RABGAP1L: variants seen among roughly 807,000 people sequenced by gnomAD.
The protein encoded by RABGAP1L is RAB GTPase activating protein 1 like, also known as rab GTPase-activating protein 1-like.
A neutral mutation model predicts 137.7 loss-of-function variants in RABGAP1L; 63 were observed. The observed-to-expected ratio is 0.46, with a 90% CI of 0.37 to 0.56. The LOEUF (loss-of-function observed/expected upper bound fraction) is 0.56. RABGAP1L is among the 20% of genes least tolerant of loss of function. The pLI is 0.00. For missense variants in RABGAP1L, 1,095 were observed against 1,244.0 expected (o/e 0.88, Z 1.80); for synonymous variants, 431 against 433.7 (o/e 0.99, Z 0.08).
chr1:174,930,468 C>A (rs748901176), intron 19 of RABGAP1L, among the ~76,000 whole-genome samples: 27 of 152,070 alleles, frequency 1.8e-4, no homozygotes, highest in Non-Finnish European at 3.8e-4. Context: ...CAGTCACATG[C>A]CACCATGCCT....
intron 18 of RABGAP1L, among the ~76,000 whole-genome samples, chr1:174,801,385 C>T (rs1387267091): frequency 6.6e-6 from 1 of 152,160 alleles, no homozygotes; most frequent in African/African-American, 2.4e-5. Context: ...GAATTTAACT[C>T]TTTTCTCTCC....
intron 17 of RABGAP1L, among the ~76,000 whole-genome samples, chr1:174,706,550 G>A (rs993128085): frequency 2.0e-5 from 3 of 151,968 alleles, no homozygotes; most frequent in Non-Finnish European, 2.9e-5. Flanking sequence ...ATAAAACATT[G>A]CAGTCTTTAA....
At chr1:174,214,855 T>C (rs1669164918) in intron 1 of RABGAP1L, among the ~76,000 whole-genome samples, 1 of 152,074 alleles carries the variant, frequency 6.6e-6, no homozygotes. Context: ...CATTGAAGAC[T>C]CAAATATAAG....
intron 3 of RABGAP1L, among the ~76,000 whole-genome samples, chr1:174,230,872 C>T (rs754865219): frequency 1.3e-5 from 2 of 151,930 alleles, no homozygotes; most frequent in African/African-American, 4.8e-5. Context: ...TTTTTTCTCT[C>T]ATCTGAAGAA....
At chr1:174,543,504 G>C (rs61826887) in intron 13 of RABGAP1L, among the ~76,000 whole-genome samples, 13,666 of 152,070 alleles carry the variant, frequency 0.09, 834 homozygotes, top group East Asian at 0.22. Flanking sequence ...CTGTGAGATG[G>C]GTTTCCTGAA....
chr1:174,230,415 AAAAG>A (rs1670550006), intron 3 of RABGAP1L, among the ~76,000 whole-genome samples: 1 of 152,144 alleles, frequency 6.6e-6, no homozygotes, highest in Non-Finnish European at 1.5e-5. Flanking sequence ...AGAATAAAAA[AAAAG>A]GAAGTCAATT....
intron 11 of RABGAP1L, among the ~76,000 whole-genome samples, chr1:174,350,057 T>C (rs1682966526): frequency 2.4e-5 from 3 of 123,208 alleles, no homozygotes; most frequent in African/African-American, 3.1e-5. Flanking sequence ...GCCCCTCACC[T>C]CCCGGACGGG....
At chr1:174,821,146 G>A (rs1690983458) in intron 19 of RABGAP1L, among the ~76,000 whole-genome samples, 1 of 151,920 alleles carries the variant, frequency 6.6e-6, no homozygotes, top group African/African-American at 2.4e-5. Flanking sequence ...TAATAATTCT[G>A]CCACCATCAC....
chr1:174,585,104 A>G (rs1669021926), intron 13 of RABGAP1L, among the ~76,000 whole-genome samples: 1 of 152,222 alleles, frequency 6.6e-6, no homozygotes, highest in South Asian at 2.1e-4. Flanking sequence ...ACATGTTAAG[A>G]TAATATTTCA....
chr1:174,492,176 CTTTTTTTTTT>C (rs756360090), intron 13 of RABGAP1L, among the ~76,000 whole-genome samples: 2 of 120,010 alleles, frequency 1.7e-5, no homozygotes, highest in African/African-American at 6.5e-5. Context: ...TGTCGAATTA[CTTTTTTTTTT>C]TTTTTTTTTT....
At chr1:174,373,312 A>G (rs1685257977) in intron 12 of RABGAP1L, among the ~76,000 whole-genome samples, 1 of 152,312 alleles carries the variant, frequency 6.6e-6, no homozygotes, top group African/African-American at 2.4e-5. Flanking sequence ...GAAGCATTTT[A>G]ATGCAGATAA....
At chr1:174,571,737 A>G (rs958008480) in intron 13 of RABGAP1L, among the ~76,000 whole-genome samples, 7 of 152,312 alleles carry the variant, frequency 4.6e-5, no homozygotes, top group South Asian at 2.1e-4. Flanking sequence ...GAATTTGTGC[A>G]GAATCTCAAA....
At chr1:174,976,366 G>C (rs547816093) in intron 22 of RABGAP1L, among the ~76,000 whole-genome samples, 184 bp downstream of exon 22, 1 of 152,030 alleles carries the variant, frequency 6.6e-6, no homozygotes, top group South Asian at 2.1e-4. Context: ...TTTTTGAAGG[G>C]TGTTAAAAGA....
At chr1:174,614,184 A>G (rs1671557314) in intron 13 of RABGAP1L, among the ~76,000 whole-genome samples, 2 of 152,168 alleles carry the variant, frequency 1.3e-5, no homozygotes, top group African/African-American at 4.8e-5. Context: ...ATGATTTTGC[A>G]GTGGCTGGTA....
At chr1:174,800,286 T>C (rs1290751107) in intron 18 of RABGAP1L, 4 of 1,527,010 alleles carry the variant, frequency 2.6e-6, no homozygotes, top group Non-Finnish European at 3.5e-6. Flanking sequence ...CTTAATATTG[T>C]GGATAAGAGA....
chr1:174,416,504 A>G (rs1467898394), intron 13 of RABGAP1L, among the ~76,000 whole-genome samples: 1 of 152,124 alleles, frequency 6.6e-6, no homozygotes, highest in Non-Finnish European at 1.5e-5. Context: ...CATAAAAACA[A>G]TAATATTGGG....
intron 1 of RABGAP1L, among the ~76,000 whole-genome samples, chr1:174,201,072 C>T (rs568378551): frequency 2.6e-5 from 4 of 152,100 alleles, no homozygotes; most frequent in African/African-American, 9.6e-5. Context: ...TTTTAGTCTG[C>T]TCCTATCATT....
At chr1:174,699,734 A>G (rs1444706342) in intron 16 of RABGAP1L, 84 bp downstream of exon 16, 1 of 1,305,480 alleles carries the variant, frequency 7.7e-7, no homozygotes, top group African/African-American at 1.5e-5. Flanking sequence ...GCAATAATGA[A>G]TTATAGAAGT....
intron 11 of RABGAP1L, among the ~76,000 whole-genome samples, chr1:174,307,464 C>G (rs920158031): frequency 2.6e-5 from 4 of 152,092 alleles, no homozygotes; most frequent in Admixed American, 2.0e-4. Context: ...CTCTGTTCTC[C>G]CCTTTCCCTT....
Sources: gnomAD v4.1 joint callset for allele counts (sites outside exome capture counted in the v4.1 genomes callset) on GRCh38, gnomAD v4.1.1 for gene constraint, MANE v1.5 for transcripts, NCBI Gene and HGNC (gene_info 2026-07-23, HGNC 2026-07-21) for gene names.